The following ASTN2 variants were observed in gnomAD, a reference collection of about 807,000 sequenced individuals.
ASTN2 encodes the protein astrotactin-2.
In ASTN2, 54 loss-of-function variants were observed where a neutral mutation model predicts 139.8. That is an observed-to-expected ratio of 0.39 (90% CI 0.31 to 0.48). The LOEUF is 0.48. Ranked by LOEUF, ASTN2 falls within the 20% of genes least tolerant of loss-of-function variation. The probability of loss-of-function intolerance (pLI) is 0.95; values close to 1 mark genes in which losing one functional copy is unlikely to be tolerated. For synonymous variants in ASTN2, 756 were observed against 719.5 expected, an observed-to-expected ratio of 1.05 and a Z score of -0.81; for missense variants, 1,565 against 1,725.1, an observed-to-expected ratio of 0.91 and a Z score of 1.64.
At chr9:117,057,467 A>G (rs1465787085) in intron 5 of ASTN2, among the ~76,000 whole-genome samples, 1 of 152,214 alleles carries the variant, frequency 6.6e-6, no homozygotes, top group Admixed American at 6.5e-5. Context: ...ATGGGACAGC[A>G]ATAATAGTAA....
At chr9:117,257,022 A>G (rs1833705805) in intron 2 of ASTN2, among the ~76,000 whole-genome samples, 1 of 152,214 alleles carries the variant, frequency 6.6e-6, no homozygotes, top group Admixed American at 6.5e-5. Flanking sequence ...GCATTCTTTG[A>G]AATATTTTTG....
intron 10 of ASTN2, among the ~76,000 whole-genome samples, chr9:116,864,274 C>T (rs1832963713): frequency 6.6e-6 from 1 of 152,088 alleles, no homozygotes. Flanking sequence ...CTCCAAATCC[C>T]ACAGTCTATA....
chr9:117,364,104 G>A (rs922609131), intron 1 of ASTN2, among the ~76,000 whole-genome samples: 1 of 152,166 alleles, frequency 6.6e-6, no homozygotes, highest in Admixed American at 6.5e-5. Flanking sequence ...TAAGCCATGT[G>A]ATTGAAGATG....
At chr9:117,250,580 T>C (rs903076901) in intron 2 of ASTN2, among the ~76,000 whole-genome samples, 2 of 152,220 alleles carry the variant, frequency 1.3e-5, no homozygotes, top group African/African-American at 4.8e-5. Flanking sequence ...ATTAATTCCA[T>C]AAACACCAAT....
At chr9:116,835,715 C>T (rs1005517305) in intron 11 of ASTN2, among the ~76,000 whole-genome samples, 1 of 152,168 alleles carries the variant, frequency 6.6e-6, no homozygotes, top group Non-Finnish European at 1.5e-5. Context: ...GTGTCACAGG[C>T]CGTGGTCACT....
At chr9:117,127,656 TTTTTTTTTTGTTTTGG>T (rs1829722356) in intron 4 of ASTN2, among the ~76,000 whole-genome samples, 1 of 144,866 alleles carries the variant, frequency 6.9e-6, no homozygotes, top group Non-Finnish European at 1.5e-5. Context: ...GAAGTTAGGG[TTTTTTTTTTGTTTTGG>T]TTTTTTTTTT....
chr9:117,355,483 G>A (rs966565475), intron 1 of ASTN2, among the ~76,000 whole-genome samples: 5 of 152,156 alleles, frequency 3.3e-5, no homozygotes, highest in Admixed American at 2.0e-4. Context: ...GGAGTGCAGA[G>A]AGAGGACATG....
chr9:116,862,265 C>T (rs531880245), intron 11 of ASTN2, among the ~76,000 whole-genome samples: 1 of 152,224 alleles, frequency 6.6e-6, no homozygotes, highest in South Asian at 2.1e-4. Context: ...GATTCCTATC[C>T]CTGGTTCTAT....
intron 19 of ASTN2, among the ~76,000 whole-genome samples, chr9:116,604,555 C>G (rs73526196): frequency 0.011 from 1,717 of 152,262 alleles, 29 homozygotes; most frequent in African/African-American, 0.039. Flanking sequence ...GGTGAGGTCC[C>G]CTCTAGTTTC....
chr9:116,963,636 T>C (rs1409478179), intron 10 of ASTN2, among the ~76,000 whole-genome samples: 1 of 152,118 alleles, frequency 6.6e-6, no homozygotes, highest in Non-Finnish European at 1.5e-5. Flanking sequence ...GGCATGACCA[T>C]TTTTGAGGAT....
At chr9:117,056,711 A>T (rs1287636746) in intron 5 of ASTN2, among the ~76,000 whole-genome samples, 1 of 152,242 alleles carries the variant, frequency 6.6e-6, no homozygotes, top group Non-Finnish European at 1.5e-5. Flanking sequence ...CTATGTTCAC[A>T]CATCAACCCT....
chr9:116,766,106 T>G (rs1162375402), intron 13 of ASTN2, among the ~76,000 whole-genome samples: 1 of 152,148 alleles, frequency 6.6e-6, no homozygotes, highest in Non-Finnish European at 1.5e-5. Context: ...CCTCCATTTA[T>G]GGTCACTGGT....
intron 19 of ASTN2, among the ~76,000 whole-genome samples, chr9:116,533,627 T>G (rs2119305274): frequency 6.6e-6 from 1 of 152,346 alleles, no homozygotes; most frequent in East Asian, 1.9e-4. Flanking sequence ...ATCATGTGAT[T>G]TTTGTCATTG....
At chr9:116,437,720 C>T (rs1277027164) in intron 22 of ASTN2, 2 of 389,426 alleles carry the variant, frequency 5.1e-6, no homozygotes, top group Non-Finnish European at 1.0e-5. Flanking sequence ...TGAGATGACT[C>T]ACACAGCGGC....
chr9:116,661,401 G>C (rs76643016), intron 16 of ASTN2, among the ~76,000 whole-genome samples: 1 of 152,130 alleles, frequency 6.6e-6, no homozygotes, highest in Non-Finnish European at 1.5e-5. Context: ...AGCTTAGTGC[G>C]ATGAGTAAAA....
Position 117,414,399 on chromosome 9 carries a change from G to T in ASTN2, c.442+98C>A, listed in dbSNP as rs1035779029. The T allele has an allele frequency of 5.2e-6, 8 of 1,545,326 alleles. No individual in the cohort carries two copies. Among genetic ancestry groups the T allele is most frequent in the South Asian group, 3.6e-5 (3 of 83,528 alleles). ...CCCTCTGCCAACCCCACTCGGGGCAGCCCCGGGCAGGGATCCCCAGGGCGC... is the reference window on the plus strand; with the variant it reads ...CCCTCTGCCAACCCCACTCGGGGCATCCCCGGGCAGGGATCCCCAGGGCGC... On this transcript the variant is annotated intron_variant, in intron 1 of 22. Transcript: ENST00000313400. This position sits in a 1 kb window ranked among gnomAD's most constrained non-coding sequence, Gnocchi z 4.2.
intron 7 of ASTN2, among the ~76,000 whole-genome samples, chr9:116,981,683 C>T (rs549320162): frequency 1.9e-4 from 29 of 152,312 alleles, no homozygotes; most frequent in African/African-American, 5.3e-4. Flanking sequence ...AAGTCTTTTG[C>T]ATCAATTTTT....
intron 1 of ASTN2, among the ~76,000 whole-genome samples, chr9:117,362,731 A>G (rs1187249095): frequency 6.6e-6 from 1 of 152,052 alleles, no homozygotes; most frequent in African/African-American, 2.4e-5. Flanking sequence ...TGTGCCCCAT[A>G]TCTGGGCAAT....
intron 22 of ASTN2, among the ~76,000 whole-genome samples, chr9:116,435,811 A>G (rs977289718): frequency 6.6e-6 from 1 of 152,220 alleles, no homozygotes; most frequent in Non-Finnish European, 1.5e-5. Context: ...CAACATTAAC[A>G]TCACTATGAG....
Sources: gnomAD v4.1 joint callset for allele counts (sites outside exome capture counted in the v4.1 genomes callset) on GRCh38, gnomAD v4.1.1 for gene constraint, Gnocchi (gnomAD v3.1) non-coding constraint, MANE v1.5 for transcripts, NCBI Gene and HGNC (gene_info 2026-07-23, HGNC 2026-07-21) for gene names.